Variants in HAND2 observed in about 807,000 individuals in gnomAD.
HAND2 encodes the protein heart- and neural crest derivatives-expressed protein 2.
In HAND2, 2 loss-of-function variants were observed where a neutral mutation model predicts 14.7. That is an observed-to-expected ratio of 0.14 (90% CI 0.06 to 0.43). The LOEUF is 0.43. Ranked by LOEUF, HAND2 falls within the 20% of genes least tolerant of loss-of-function variation. HAND2 has a pLI of 0.99. For synonymous variants in HAND2, 162 were observed against 135.9 expected (o/e 1.19, Z -1.34); for missense variants, 275 against 313.6 (o/e 0.88, Z 0.93).
Position 173,527,165 on chromosome 4 carries a change from T to G in HAND2, c.*112A>C, listed in dbSNP as rs529454991. Reference sequence around the variant, plus strand: ...CATAAATAAACCGGATGATTCCAAATGCAAGGAGTCCTCAGAGCGGAGCGC... The same window carrying G: ...CATAAATAAACCGGATGATTCCAAAGGCAAGGAGTCCTCAGAGCGGAGCGC... On this transcript the variant is annotated 3_prime_UTR_variant, in exon 2 of 2. Coordinates refer to ENST00000359562, the MANE Select transcript of HAND2 (RefSeq NM_021973.3). 2.6e-6 allele frequency: 2 copies of G among 766,506 alleles called. No homozygotes were observed. The highest frequency in any genetic ancestry group is 4.9e-5 in the East Asian group (2 of 40,412). The allele number at this position is 766,506 out of a possible 1,614,324, so 47.5% of individuals were successfully genotyped here.
At position 173,527,036 on chromosome 4, in the gene HAND2, T is replaced by A. The variant is rs1409359810; in HGVS notation, c.*241A>T. 3.0e-6 allele frequency: 2 copies of A among 670,568 alleles called. No homozygotes were observed. The highest frequency in any genetic ancestry group is 4.1e-5 in the Admixed American group (2 of 48,946). The allele number at this position is 670,568 out of a possible 1,614,324, so 41.5% of individuals were successfully genotyped here. A position where few individuals can be genotyped will look rare whatever the true frequency, so the allele number is the denominator to read the frequency against. ...ACCACACGGGAGTGTCCTCTTCGTA[T>A]TAAAATATGGAATGCTTTTCTTCAA... On this transcript the variant is annotated 3_prime_UTR_variant, in exon 2 of 2. Coordinates refer to ENST00000359562, the MANE Select transcript of HAND2 (RefSeq NM_021973.3).
rs1191379145 is a variant in HAND2 at position 173,526,626 on chromosome 4, C to T, written c.*651G>A. The T allele has an allele frequency of 6.1e-6, 1 of 164,130 alleles. No individual in the cohort carries two copies. Among genetic ancestry groups the T allele is most frequent in the Non-Finnish European group, 1.3e-5 (1 of 75,008 alleles). 10.2% of individuals were successfully genotyped at this position (164,130 alleles called of 1,614,324 possible). ...TTAAGGTTTTTGTAAAAAAAAAACA[C>T]AGTGGTTTATTGAATACTTACAACG... is the stretch of plus-strand genomic sequence containing the variant. On this transcript the variant is annotated 3_prime_UTR_variant, in exon 2 of 2. Coordinates refer to ENST00000359562, the MANE Select transcript of HAND2 (RefSeq NM_021973.3).
rs1196751723 is a variant in HAND2 at position 173,528,317 on chromosome 4, A to C, written c.555+418T>G. The C allele has an allele frequency of 5.1e-6, 1 of 195,788 alleles. No individual in the cohort carries two copies. Among genetic ancestry groups the C allele is most frequent in the African/African-American group, 2.3e-5 (1 of 42,816 alleles). 12.1% of individuals were successfully genotyped at this position (195,788 alleles called of 1,614,324 possible). On this transcript the variant is annotated intron_variant, in intron 1 of 1. Transcript: ENST00000359562. This position sits in a 1 kb window ranked among gnomAD's most constrained non-coding sequence, Gnocchi z 5.6. ...AGGGGGTGCGATCAATAGTGAAATA[A>C]TTGGAATCAAGGGCTTCTTCGAGAC...
chr4:173,527,755 C>G, intron 1 of HAND2: 1 of 221,756 alleles, frequency 4.5e-6, no homozygotes, highest in South Asian at 7.0e-5. Context: ...AAAAATAGGG[C>G]GAAGGAGCCT....
At position 173,528,290 on chromosome 4, in the gene HAND2, G is replaced by T. The variant is rs774558145; in HGVS notation, c.555+445C>A. 1.7e-5 allele frequency: 3 copies of T among 179,546 alleles called. No homozygotes were observed. Among genetic ancestry groups the T allele is most frequent in the Non-Finnish European group, 3.5e-5 (3 of 85,226 alleles). 11.1% of individuals were successfully genotyped at this position (179,546 alleles called of 1,614,324 possible). A position where few individuals can be genotyped will look rare whatever the true frequency, so the allele number is the denominator to read the frequency against. ...CTGGCAGCCTCCTTCTGGGAGTGGG[G>T]TAGGGGGTGCGATCAATAGTGAAAT... On this transcript the variant is annotated intron_variant, in intron 1 of 1. Coordinates refer to ENST00000359562, the MANE Select transcript of HAND2 (RefSeq NM_021973.3). The surrounding 1 kb of genome is among the most constrained non-coding windows in gnomAD (Gnocchi z 5.6).
chr4:173,528,959 T>G lies in HAND2; in HGVS notation c.331A>C (p.Arg111=). The G allele has an allele frequency of 6.2e-7, 1 of 1,613,484 alleles. No homozygotes were observed. The highest frequency in any genetic ancestry group is 8.5e-7 in the Non-Finnish European group (1 of 1,179,830). ...AAGGCGCTGTTGATGCTCTGAGTCC[T>G]GCGCCGCTCCTTGCGGTTGGCGGTG... The part of the protein sequence containing the change: ...RGTANRKERR[R]TQSINSAFAE... Residue 111 remains arginine, a synonymous_variant, in exon 1 of 2, where the codon AGG becomes CGG. Transcript: ENST00000359562. The surrounding 1 kb of genome is among the most constrained non-coding windows in gnomAD (Gnocchi z 5.6).
chr4:173,528,405 C>A lies in HAND2; in HGVS notation c.555+330G>T, dbSNP rs1731573388. 3 of 356,210 alleles carry A rather than the reference C, an allele frequency of 8.4e-6. No individual in the cohort carries two copies. The South Asian group carries it at 9.0e-5, about 11-fold the overall frequency. 22.1% of individuals were successfully genotyped at this position (356,210 alleles called of 1,614,324 possible). On this transcript the variant is annotated intron_variant, in intron 1 of 1. Coordinates refer to ENST00000359562, the MANE Select transcript of HAND2 (RefSeq NM_021973.3). This position sits in a 1 kb window ranked among gnomAD's most constrained non-coding sequence, Gnocchi z 5.6. ...GGCCAAAAGAAGGGTCTAACAGAGA[C>A]GGGGTGAGGCATCCAGACCAGTGCG...
Position 173,527,341 on chromosome 4 carries a change from T to G in HAND2, c.590A>C (p.Asp197Ala). Reference sequence around the variant, plus strand: ...GCCCGTCCGGCCTTTGGTTTTCTTGTCGTTGCTGCTCACTGTGCTTTTCAA... The same window carrying G: ...GCCCGTCCGGCCTTTGGTTTTCTTGGCGTTGCTGCTCACTGTGCTTTTCAA... The part of the protein sequence containing the change: ...EILKSTVSSN[D>A]KKTKGRTGWP... The change falls in exon 2 of 2, where the codon GAC (aspartate) becomes GCC (alanine). Residue 197 changes from aspartate (D) to alanine (A), a missense_variant. By Grantham distance (126) the Asp-to-Ala change is moderately radical. Coordinates refer to ENST00000359562, the MANE Select transcript of HAND2 (RefSeq NM_021973.3). 1 of 1,613,804 alleles carries G rather than the reference T, an allele frequency of 6.2e-7. No homozygotes were observed. Among genetic ancestry groups the G allele is most frequent in the Non-Finnish European group, 8.5e-7 (1 of 1,179,824 alleles).
rs1364777097 is a variant in HAND2, at chr4:173,529,295, C to T, written c.-6G>A. ...AAACCACCTACCAGACTCATTTCGCCCTCCGCGCCCCTCCACGCGCCCCAG... is the reference window on the plus strand; with the variant it reads ...AAACCACCTACCAGACTCATTTCGCTCTCCGCGCCCCTCCACGCGCCCCAG... On this transcript the variant is annotated 5_prime_UTR_variant, in exon 1 of 2. Coordinates refer to ENST00000359562, the MANE Select transcript of HAND2 (RefSeq NM_021973.3). 73 of 1,314,448 alleles carry T rather than the reference C, an allele frequency of 5.6e-5. No individual in the cohort carries two copies. The highest frequency in any genetic ancestry group is 6.4e-5 in the Non-Finnish European group (67 of 1,040,432). 81.4% of individuals were successfully genotyped at this position (1,314,448 alleles called of 1,614,324 possible).
Position 173,529,244 on chromosome 4 carries a change from C to A in HAND2, c.46G>T (p.Glu16Ter). ...GFPHHPVVHH[E>*]GYPFAAAAAA... Reference sequence around the variant, plus strand: ...GCGGCGGCGGCAAACGGGTAGCCCTCGTGGTGCACCACCGGGTGGTGGGGA... The same window carrying A: ...GCGGCGGCGGCAAACGGGTAGCCCTAGTGGTGCACCACCGGGTGGTGGGGA... The change falls in exon 1 of 2, where the codon GAG (glutamate) becomes TAG (stop). Residue 16 changes from glutamate (E) to a stop codon, truncating the protein, a stop_gained. Transcript: ENST00000359562. LOFTEE classifies it high-confidence loss of function. 7.1e-7 allele frequency: 1 copy of A among 1,402,836 alleles called. No homozygotes were observed. The highest frequency in any genetic ancestry group is 9.2e-7 in the Non-Finnish European group (1 of 1,085,878). 86.9% of individuals were successfully genotyped at this position (1,402,836 alleles called of 1,614,324 possible).
rs59706979 is a variant in HAND2, at chr4:173,527,268, T to A, written c.*9A>T. The A allele has an allele frequency of 6.3e-7, 1 of 1,589,132 alleles. No homozygotes were observed. Among genetic ancestry groups the A allele is most frequent in the South Asian group, 1.1e-5 (1 of 90,648 alleles). ...ACTCGCGCTCTCCTCCTCCTCCTTC[T>A]CCTCCTCCTCACTGCTTGAGCTCCA... On this transcript the variant is annotated 3_prime_UTR_variant, in exon 2 of 2. Coordinates refer to ENST00000359562, the MANE Select transcript of HAND2 (RefSeq NM_021973.3).
rs1166982330 is a variant in HAND2 at position 173,530,198 on chromosome 4, G to A, written c.-909C>T. On this transcript the variant is annotated 5_prime_UTR_variant, in exon 1 of 2. Transcript: ENST00000359562. This position sits in a 1 kb window ranked among gnomAD's most constrained non-coding sequence, Gnocchi z 6.2. ...GCTGGACGACGTGAGGGGAGCAAGC[G>A]GATTTTCCCAGCAAGATCTCCATGT... The A allele has an allele frequency of 3.9e-5, 6 of 152,026 alleles. No homozygotes were observed. The highest frequency in any genetic ancestry group is 1.9e-4 in the East Asian group (1 of 5,152). 9.4% of individuals were successfully genotyped at this position (152,026 alleles called of 1,614,324 possible). A position where few individuals can be genotyped will look rare whatever the true frequency, so the allele number is the denominator to read the frequency against.
chr4:173,528,787 T>C lies in HAND2; in HGVS notation c.503A>G (p.Lys168Arg), dbSNP rs1731591019. ...DDQNGEAEAF[K>R]AEIKKTDVKE... ...CACGTCGGTCTTCTTGATCTCTGCC[T>C]TGAAGGCCTCCGCCTCGCCATTCTG... Residue 168 changes from lysine (K) to arginine (R), a missense_variant, in exon 1 of 2, where the codon AAG (lysine) becomes AGG (arginine). Lys to Arg is a conservative substitution (Grantham distance 26). Transcript: ENST00000359562. The surrounding 1 kb of genome is among the most constrained non-coding windows in gnomAD (Gnocchi z 5.6). The C allele has an allele frequency of 6.2e-7, 1 of 1,614,082 alleles. No individual in the cohort carries two copies. The highest frequency in any genetic ancestry group is 8.5e-7 in the Non-Finnish European group (1 of 1,180,026).
At position 173,526,865 on chromosome 4, in the gene HAND2, A is replaced by G. The variant is rs552630815; in HGVS notation, c.*412T>C. The G allele has an allele frequency of 8.0e-5, 34 of 425,710 alleles. 1 individual carries two copies. The highest frequency in any genetic ancestry group is 5.6e-4 in the South Asian group (33 of 59,018). 26.4% of individuals were successfully genotyped at this position (425,710 alleles called of 1,614,324 possible). A position where few individuals can be genotyped will look rare whatever the true frequency, so the allele number is the denominator to read the frequency against. On this transcript the variant is annotated 3_prime_UTR_variant, in exon 2 of 2. Transcript: ENST00000359562. ...GAATATTTATATCCAAAGGCCAAGT[A>G]TTAAAGATACACTTCACAAACGCAC...
At position 173,527,048 on chromosome 4, in the gene HAND2, A is replaced by C. The variant is rs1046281990; in HGVS notation, c.*229T>G. 2 of 685,944 alleles carry C rather than the reference A, an allele frequency of 2.9e-6. No homozygotes were observed. The highest frequency in any genetic ancestry group is 3.0e-5 in the South Asian group (2 of 66,598). The allele number at this position is 685,944 out of a possible 1,614,324, so 42.5% of individuals were successfully genotyped here. On this transcript the variant is annotated 3_prime_UTR_variant, in exon 2 of 2. Coordinates refer to ENST00000359562, the MANE Select transcript of HAND2 (RefSeq NM_021973.3). The stretch of plus-strand genomic sequence containing the variant: ...TGTCCTCTTCGTATTAAAATATGGA[A>C]TGCTTTTCTTCAAATATCCACTTTT...
rs764464031 is a variant in HAND2, at chr4:173,528,605, G to A, written c.555+130C>T. The A allele has an allele frequency of 1.3e-5, 15 of 1,162,676 alleles. No individual in the cohort carries two copies. Among genetic ancestry groups the A allele is most frequent in the Admixed American group, 4.1e-5 (2 of 49,126 alleles). 72.0% of individuals were successfully genotyped at this position (1,162,676 alleles called of 1,614,324 possible). A position where few individuals can be genotyped will look rare whatever the true frequency, so the allele number is the denominator to read the frequency against. ...GGAAGCCATCCTTACACAACCTGGTGCAAACAACCTTGAAGCGGGACGCAG... is the reference window on the plus strand; with the variant it reads ...GGAAGCCATCCTTACACAACCTGGTACAAACAACCTTGAAGCGGGACGCAG... On this transcript the variant is annotated intron_variant, in intron 1 of 1. Coordinates refer to ENST00000359562, the MANE Select transcript of HAND2 (RefSeq NM_021973.3). The surrounding 1 kb of genome is among the most constrained non-coding windows in gnomAD (Gnocchi z 5.6).
Position 173,526,321 on chromosome 4 carries a change from T to G in HAND2, c.*956A>C, listed in dbSNP as rs1731451432. Reference sequence around the variant, plus strand: ...CAGCCCAGATCTTCCTTCTAGAGACTACTCAGCGTTCTCCAGCTGGGGGAA... The same window carrying G: ...CAGCCCAGATCTTCCTTCTAGAGACGACTCAGCGTTCTCCAGCTGGGGGAA... On this transcript the variant is annotated 3_prime_UTR_variant, in exon 2 of 2. Coordinates refer to ENST00000359562, the MANE Select transcript of HAND2 (RefSeq NM_021973.3). The G allele has an allele frequency of 6.6e-6, 1 of 152,532 alleles. No homozygotes were observed. The highest frequency in any genetic ancestry group is 1.5e-5 in the Non-Finnish European group (1 of 68,320). 9.4% of individuals were successfully genotyped at this position (152,532 alleles called of 1,614,324 possible).
In HAND2 at chr4:173,527,124, G is replaced by C. The variant is rs754514186; in HGVS notation, c.*153C>G. 1 of 707,930 alleles carries C rather than the reference G, an allele frequency of 1.4e-6. No homozygotes were observed. The highest frequency in any genetic ancestry group is 2.0e-5 in the Admixed American group (1 of 50,204). 43.9% of individuals were successfully genotyped at this position (707,930 alleles called of 1,614,324 possible). On this transcript the variant is annotated 3_prime_UTR_variant, in exon 2 of 2. Coordinates refer to ENST00000359562, the MANE Select transcript of HAND2 (RefSeq NM_021973.3). ...GATGCCTCAAAGGGGGTCAAAGAGA[G>C]GGGAAGGAAATTGCACATAAATAAA... is the stretch of plus-strand genomic sequence containing the variant.
Position 173,527,250 on chromosome 4 carries a change from C to G in HAND2, c.*27G>C. ...GCGCCTTGGCCCCTGCTCACTCGCG[C>G]TCTCCTCCTCCTCCTTCTCCTCCTC... is the stretch of plus-strand genomic sequence containing the variant. On this transcript the variant is annotated 3_prime_UTR_variant, in exon 2 of 2. Transcript: ENST00000359562. 6.6e-6 allele frequency: 10 copies of G among 1,510,748 alleles called. No individual in the cohort carries two copies. The highest frequency in any genetic ancestry group is 8.3e-6 in the Non-Finnish European group (9 of 1,090,790). 93.6% of individuals were successfully genotyped at this position (1,510,748 alleles called of 1,614,324 possible). A position where few individuals can be genotyped will look rare whatever the true frequency, so the allele number is the denominator to read the frequency against.
Sources: gnomAD v4.1 joint callset for allele counts on GRCh38, gnomAD v4.1.1 for gene constraint, Gnocchi (gnomAD v3.1) non-coding constraint, MANE v1.5 for transcripts, NCBI Gene and HGNC (gene_info 2026-07-23, HGNC 2026-07-21) for gene names.